Variants in ADARB1 observed in about 807,000 individuals in gnomAD.
The protein encoded by ADARB1 is double-stranded RNA-specific editase 1.
In ADARB1, 10 loss-of-function variants were observed where a neutral mutation model predicts 52.4. The ratio of observed to expected loss-of-function variants is 0.19; its 90% CI spans 0.12 to 0.32. The LOEUF (loss-of-function observed/expected upper bound fraction) is 0.32, where lower values mean the gene tolerates loss of function less well. Ranked by LOEUF, ADARB1 falls within the 10% of genes least tolerant of loss-of-function variation. The pLI is 1.00. For synonymous variants in ADARB1, 349 were observed against 371.1 expected (o/e 0.94, Z 0.68); for missense variants, 643 against 922.3 (o/e 0.70, Z 3.92).
chr21:45,074,839 C>G (rs1305834614), intron 1 of ADARB1, 46 bp downstream of exon 1: 1 of 148,482 alleles, frequency 6.7e-6, no homozygotes. Flanking sequence ...GCGCGGGCTC[C>G]GGACCCCGCG....
rs572413827 is a variant in ADARB1 at position 45,223,355 on chromosome 21, G to A, written c.*1158G>A. ...ATTGACAGTCCTGACGGGAGCTCAG[G>A]GCTGCCCAGCGCCCAGCGTGCACGG... On this transcript the variant is annotated 3_prime_UTR_variant, in exon 11 of 11. Transcript: ENST00000348831. 6.0e-4 allele frequency: 591 copies of A among 985,536 alleles called. 3 individuals carry two copies. The African/African-American group carries it at 8.1e-3, about 13-fold the overall frequency. 61.0% of individuals were successfully genotyped at this position (985,536 alleles called of 1,614,324 possible). A position where few individuals can be genotyped will look rare whatever the true frequency, so the allele number is the denominator to read the frequency against.
At chr21:45,084,139 C>A (rs1237679226) in intron 1 of ADARB1, among the ~76,000 whole-genome samples, 1 of 152,208 alleles carries the variant, frequency 6.6e-6, no homozygotes, top group African/African-American at 2.4e-5. Context: ...CTGCAGGCTC[C>A]TTGGATGTAG....
At chr21:45,077,421 T>C (rs2085982194) in intron 1 of ADARB1, among the ~76,000 whole-genome samples, 1 of 152,126 alleles carries the variant, frequency 6.6e-6, no homozygotes, top group African/African-American at 2.4e-5. Flanking sequence ...ATCCCAGCAC[T>C]TTGGGAGGCC....
Position 45,183,658 on chromosome 21 carries a change from T to C in ADARB1, c.1396+148T>C, listed in dbSNP as rs1439554379. The C allele has an allele frequency of 5.2e-6, 5 of 954,256 alleles. No individual in the cohort carries two copies. The East Asian group carries it at 9.4e-5, about 18-fold the overall frequency. The allele number at this position is 954,256 out of a possible 1,614,324, so 59.1% of individuals were successfully genotyped here. A position where few individuals can be genotyped will look rare whatever the true frequency, so the allele number is the denominator to read the frequency against. On this transcript the variant is annotated intron_variant, in intron 7 of 10. Transcript: ENST00000348831. ...ATAAGAGTCTCTATAAAAGCATGGA[T>C]TTTTTTCTTTCCAATTAACTTAATT...
chr21:45,076,136 G>T (rs994816029), intron 1 of ADARB1, among the ~76,000 whole-genome samples: 1 of 152,212 alleles, frequency 6.6e-6, no homozygotes, highest in East Asian at 1.9e-4. Flanking sequence ...TTTTCCTTGG[G>T]GTTGAGACTG....
intron 1 of ADARB1, among the ~76,000 whole-genome samples, chr21:45,109,515 G>T (rs911586157): frequency 2.0e-5 from 3 of 152,242 alleles, no homozygotes; most frequent in African/African-American, 7.2e-5. Flanking sequence ...AGGCTGGTTG[G>T]TTTTTTCTGC....
chr21:45,113,479 ATGTGTGTGTGTGTATATATG>A (rs1289519157), intron 1 of ADARB1, among the ~76,000 whole-genome samples: 8 of 139,792 alleles, frequency 5.7e-5, no homozygotes, highest in South Asian at 2.3e-4. Context: ...ATATATATAT[ATGTGTGTGTGTGTATATATG>A]TGTGTGTGTG....
At chr21:45,198,492 TTAAATCACACACACACACACACACA>T (rs1319223059) in intron 8 of ADARB1, among the ~76,000 whole-genome samples, 1 of 143,202 alleles carries the variant, frequency 7.0e-6, no homozygotes, top group Non-Finnish European at 1.5e-5. Flanking sequence ...GCCTATTAAA[TTAAATCACACACACACACACACACA>T]CACATACACA....
In ADARB1 at chr21:45,184,647, C is replaced by T. The variant is rs1018336153; in HGVS notation, c.1397-276C>T. 9.0e-6 allele frequency: 3 copies of T among 334,746 alleles called. No homozygotes were observed. The East Asian group carries it at 2.2e-4, about 24-fold the overall frequency. 20.7% of individuals were successfully genotyped at this position (334,746 alleles called of 1,614,324 possible). On this transcript the variant is annotated intron_variant, in intron 7 of 10. Coordinates refer to ENST00000348831, the MANE Select transcript of ADARB1 (RefSeq NM_001112.4). ...TATATTTTTTATAGAGATGGGGTTT[C>T]ACCATGTTGCCCAGGCTGGTCTTAA...
intron 1 of ADARB1, among the ~76,000 whole-genome samples, chr21:45,084,858 G>A (rs1333207570): frequency 6.6e-6 from 1 of 152,172 alleles, no homozygotes; most frequent in Non-Finnish European, 1.5e-5. Context: ...CCCACCCAGT[G>A]TTAAGTCACT....
intron 2 of ADARB1, among the ~76,000 whole-genome samples, chr21:45,140,247 A>G (rs2089648012): frequency 6.6e-6 from 1 of 152,066 alleles, no homozygotes; most frequent in African/African-American, 2.4e-5. Context: ...TATTCTGACA[A>G]ATGTATGCCA....
chr21:45,126,755 G>A (rs1401051474), intron 1 of ADARB1, among the ~76,000 whole-genome samples: 1 of 152,142 alleles, frequency 6.6e-6, no homozygotes, highest in East Asian at 1.9e-4. Context: ...TACTCAAATG[G>A]GAGGCAACCA....
intron 2 of ADARB1, chr21:45,152,664 G>A (rs991288153): frequency 4.4e-6 from 2 of 451,664 alleles, no homozygotes; most frequent in Non-Finnish European, 8.9e-6. Context: ...AGCATCATGG[G>A]GCGTCGGTAT....
intron 8 of ADARB1, among the ~76,000 whole-genome samples, chr21:45,189,065 A>C (rs1349919553): frequency 1.3e-5 from 2 of 152,206 alleles, no homozygotes; most frequent in African/African-American, 4.8e-5. Flanking sequence ...AGCATGGTAA[A>C]GACCTGCCCC....
At chr21:45,091,174 AC>A (rs2086548129) in intron 1 of ADARB1, among the ~76,000 whole-genome samples, 1 of 152,180 alleles carries the variant, frequency 6.6e-6, no homozygotes, top group Admixed American at 6.5e-5. Context: ...TCTTTAAGTC[AC>A]GTGTTTTTTC....
At position 45,185,015 on chromosome 21, in the gene ADARB1, G is replaced by A; in HGVS notation, c.1489G>A (p.Ala497Thr). 3 of 1,614,208 alleles carry A rather than the reference G, an allele frequency of 1.9e-6. No individual in the cohort carries two copies. The highest frequency in any genetic ancestry group is 1.6e-4 in the Middle Eastern group (1 of 6,062). ...GGGGACGATTCCAGTGCGCTCCAATGCGAGCATCCAAACGTGGGACGGGGT... is the reference window on the plus strand; with the variant it reads ...GGGGACGATTCCAGTGCGCTCCAATACGAGCATCCAAACGTGGGACGGGGT... ...GEGTIPVRSN[A>T]SIQTWDGVLQ... Residue 497 changes from alanine to threonine, a missense_variant, in exon 8 of 11, where the codon GCG (alanine) becomes ACG (threonine). Ala to Thr is a moderately conservative substitution (Grantham distance 58). This residue lies in a region of ADARB1 where 263 missense variants were observed against 475.8 expected (regional missense o/e 0.55). Coordinates refer to ENST00000348831, the MANE Select transcript of ADARB1 (RefSeq NM_001112.4).
At chr21:45,084,906 C>T (rs2086281408) in intron 1 of ADARB1, among the ~76,000 whole-genome samples, 1 of 152,162 alleles carries the variant, frequency 6.6e-6, no homozygotes, top group African/African-American at 2.4e-5. Context: ...GGAATCTTTT[C>T]AAGAATGTAA....
Position 45,177,161 on chromosome 21 carries a change from C to T in ADARB1, c.963+497C>T, listed in dbSNP as rs546497349. 10 of 159,076 alleles carry T rather than the reference C, an allele frequency of 6.3e-5. No individual in the cohort carries two copies. The South Asian group carries it at 1.8e-3, about 29-fold the overall frequency. The allele number at this position is 159,076 out of a possible 1,614,324, so 9.9% of individuals were successfully genotyped here. On this transcript the variant is annotated intron_variant, in intron 4 of 10. Coordinates refer to ENST00000348831, the MANE Select transcript of ADARB1 (RefSeq NM_001112.4). Reference sequence around the variant, plus strand: ...GGTCAAGATGGCAGCCTCTGGGCTCCCACATGACTGGCTGGTGGCTGTTTG... The same window carrying T: ...GGTCAAGATGGCAGCCTCTGGGCTCTCACATGACTGGCTGGTGGCTGTTTG...
rs114239196 is a variant in ADARB1, at chr21:45,135,170, A to G, written c.-48+6597A>G. ...CTGATGGGGCCTTGTCTGGATTGCC[A>G]GTTCTACTAATTCTGGAATTGGAAG... On this transcript the variant is annotated intron_variant, in intron 2 of 10. Transcript: ENST00000348831. Among the ~76,000 whole-genome samples, 730 of 152,314 alleles carry G rather than the reference A, an allele frequency of 4.8e-3. 4 individuals are homozygous for G. Among genetic ancestry groups the G allele is most frequent in the African/African-American group, 0.017 (695 of 41,562 alleles).
Sources: gnomAD v4.1 joint callset for allele counts (sites outside exome capture counted in the v4.1 genomes callset) on GRCh38, gnomAD v4.1.1 for gene constraint, gnomAD v4.1.1 regional missense constraint, MANE v1.5 for transcripts, NCBI Gene and HGNC (gene_info 2026-07-23, HGNC 2026-07-21) for gene names.